PCDHA4: variants seen among roughly 807,000 people sequenced by gnomAD.
PCDHA4 encodes the protein protocadherin alpha 4.
Under a neutral mutation model 61.4 loss-of-function variants are expected in PCDHA4, and 49 were observed. The ratio of observed to expected loss-of-function variants is 0.80; its 90% CI spans 0.63 to 1.01. PCDHA4 has a LOEUF of 1.01. PCDHA4 is among the 50% of genes least tolerant of loss of function. The pLI, the probability that PCDHA4 is intolerant of heterozygous loss-of-function variation, is 0.00. For missense variants in PCDHA4, 1,254 were observed against 1,235.8 expected, an observed-to-expected ratio of 1.01 and a Z score of -0.22; for synonymous variants, 590 against 550.3, an observed-to-expected ratio of 1.07 and a Z score of -1.01.
chr5:140,886,961 C>T (rs1340952035), intron 1 of PCDHA4, among the ~76,000 whole-genome samples: 1 of 151,926 alleles, frequency 6.6e-6, no homozygotes, highest in South Asian at 2.1e-4. Context: ...CATTTAGCAA[C>T]GAAATTTATT....
chr5:140,836,634 T>C (rs1554136166), intron 1 of PCDHA4: 3 of 1,613,416 alleles, frequency 1.9e-6, no homozygotes, highest in Non-Finnish European at 8.5e-7. Context: ...CTGGTCATTC[T>C]CCCAGCAGAG....
At chr5:140,845,060 C>A in intron 1 of PCDHA4, among the ~76,000 whole-genome samples, 1 of 149,380 alleles carries the variant, frequency 6.7e-6, no homozygotes, top group Non-Finnish European at 1.5e-5. Flanking sequence ...TGAAGGTAAC[C>A]TCAAAGCAGC....
chr5:140,871,022 A>ACT, intron 1 of PCDHA4: 1 of 1,613,114 alleles, frequency 6.2e-7, no homozygotes, highest in Non-Finnish European at 8.5e-7. Flanking sequence ...GACGAGGCAG[A>ACT]CTCGCCGCGC....
At chr5:140,875,644 G>A in intron 1 of PCDHA4, 1 of 1,613,736 alleles carries the variant, frequency 6.2e-7, no homozygotes, top group Non-Finnish European at 8.5e-7. Flanking sequence ...GGAGCTGGCG[G>A]AGCTGGTGCC....
At chr5:140,822,436 C>T (rs2150116376) in intron 1 of PCDHA4, 20 of 1,613,756 alleles carry the variant, frequency 1.2e-5, no homozygotes, top group Non-Finnish European at 1.6e-5. Flanking sequence ...AAAACCCGAA[C>T]TAACAGGTAC....
intron 1 of PCDHA4, among the ~76,000 whole-genome samples, chr5:140,941,304 C>T (rs1477431460): frequency 4.7e-5 from 4 of 84,830 alleles, no homozygotes; most frequent in African/African-American, 8.5e-5. Flanking sequence ...TTCTTTCTTT[C>T]TTTTTCTTCT....
In PCDHA4 at chr5:140,863,367, G is replaced by A. The variant is rs782714685; in HGVS notation, c.2385+53795G>A. The A allele has an allele frequency of 1.5e-5, 18 of 1,191,312 alleles. No homozygotes were observed. The East Asian group carries it at 5.3e-4, about 35-fold the overall frequency. The allele number at this position is 1,191,312 out of a possible 1,614,324, so 73.8% of individuals were successfully genotyped here. A position where few individuals can be genotyped will look rare whatever the true frequency, so the allele number is the denominator to read the frequency against. ...TGTACACGACGCTGCGGTGCTTGGC[G>A]CAGCTCACCGAGAGCTCGTGCATGC... is the stretch of plus-strand genomic sequence containing the variant. On this transcript the variant is annotated intron_variant, in intron 1 of 3. Transcript: ENST00000530339.
intron 1 of PCDHA4, chr5:140,864,760 T>C (rs1282604676): frequency 6.6e-6 from 1 of 152,230 alleles, no homozygotes; most frequent in Non-Finnish European, 1.5e-5. Flanking sequence ...TCATTTTTCT[T>C]TCATTTTTGG....
In PCDHA4 at chr5:140,976,792, T is replaced by C. The variant is rs982135806; in HGVS notation, c.2386-2157T>C. 2.1e-4 allele frequency among the ~76,000 whole-genome samples: 32 copies of C among 152,216 alleles called. 1 individual carries two copies. The highest frequency in any genetic ancestry group is 1.0e-3 in the Admixed American group (16 of 15,274). ...AGACTCTGACTATATAGCTACGCTT[T>C]TATGAATATCTGAAGATATGCATGT... On this transcript the variant is annotated intron_variant, in intron 1 of 3. Coordinates refer to ENST00000530339, the MANE Select transcript of PCDHA4 (RefSeq NM_018907.4).
intron 1 of PCDHA4, among the ~76,000 whole-genome samples, chr5:140,896,285 G>T (rs1392495241): frequency 1.3e-5 from 2 of 152,202 alleles, no homozygotes; most frequent in African/African-American, 2.4e-5. Context: ...GGCTTGAATG[G>T]TAAGTTCTTT....
intron 1 of PCDHA4, chr5:140,877,968 C>A: frequency 7.9e-7 from 1 of 1,272,970 alleles, no homozygotes; most frequent in Non-Finnish European, 1.0e-6. Context: ...CTTTCTTGGT[C>A]ATTCTTACTC....
intron 1 of PCDHA4, among the ~76,000 whole-genome samples, chr5:140,915,115 A>T (rs2076990702): frequency 1.3e-5 from 2 of 151,346 alleles, no homozygotes; most frequent in African/African-American, 4.9e-5. Context: ...CACCCACCTA[A>T]TTTTTATATT....
chr5:140,946,609 G>GAA, intron 1 of PCDHA4, among the ~76,000 whole-genome samples: 1 of 68,674 alleles, frequency 1.5e-5, no homozygotes, highest in Non-Finnish European at 2.7e-5. Flanking sequence ...AAGAAAATGT[G>GAA]AAATATATAT....
Position 140,811,879 on chromosome 5 carries a change from C to A in PCDHA4, c.2385+2307C>A, listed in dbSNP as rs184579564. ...TTTTTCTTGTAAATGTGTTTAGGTT[C>A]TTTGTAGATTCTGGATATTAGCCCT... On this transcript the variant is annotated intron_variant, in intron 1 of 3. Transcript: ENST00000530339. 4.6e-5 allele frequency: 7 copies of A among 152,100 alleles called. No individual in the cohort carries two copies. In the East Asian group the frequency reaches 1.4e-3, roughly 29 times the overall value. The allele number at this position is 152,100 out of a possible 1,614,324, so 9.4% of individuals were successfully genotyped here. A position where few individuals can be genotyped will look rare whatever the true frequency, so the allele number is the denominator to read the frequency against.
chr5:140,932,021 GT>G (rs1387709791), intron 1 of PCDHA4, among the ~76,000 whole-genome samples: 11 of 151,964 alleles, frequency 7.2e-5, no homozygotes, highest in African/African-American at 2.6e-4. Flanking sequence ...TTTACGGTAA[GT>G]TTACAGTATA....
chr5:140,863,121 G>A, intron 1 of PCDHA4: 2 of 592,122 alleles, frequency 3.4e-6, no homozygotes, highest in South Asian at 2.7e-5. Context: ...CGAAAGCTAC[G>A]CGCCACCGCC....
chr5:140,966,837 T>C, intron 1 of PCDHA4: 1 of 1,566,152 alleles, frequency 6.4e-7, no homozygotes. Context: ...CCCTGGCTGC[T>C]GCTACTGCCT....
chr5:140,870,028 T>A, intron 1 of PCDHA4: 1 of 1,613,550 alleles, frequency 6.2e-7, no homozygotes, highest in Non-Finnish European at 8.5e-7. Flanking sequence ...AACTTTAGAT[T>A]ATGAAGAAAA....
intron 1 of PCDHA4, chr5:140,850,975 T>G: frequency 6.9e-7 from 1 of 1,451,728 alleles, no homozygotes; most frequent in Non-Finnish European, 9.2e-7. Flanking sequence ...GTTCAAATAG[T>G]TTTATTCATT....
Sources: gnomAD v4.1 joint callset for allele counts (sites outside exome capture counted in the v4.1 genomes callset) on GRCh38, gnomAD v4.1.1 for gene constraint, MANE v1.5 for transcripts, NCBI Gene and HGNC (gene_info 2026-07-23, HGNC 2026-07-21) for gene names.